The following LPL variants were observed in gnomAD, a reference collection of about 807,000 sequenced individuals.
LPL encodes the protein lipoprotein lipase.
Under a neutral mutation model 52.2 loss-of-function variants are expected in LPL, and 43 were observed. That is an observed-to-expected ratio of 0.82 (90% confidence interval 0.64 to 1.06). The LOEUF is 1.06. LPL is among the 50% of genes least tolerant of loss of function. LPL has a pLI of 0.00. For synonymous variants in LPL, 244 were observed against 215.6 expected, an observed-to-expected ratio of 1.13 and a Z score of -1.15; for missense variants, 639 against 585.3, an observed-to-expected ratio of 1.09 and a Z score of -0.95.
chr8:19,947,656 A>AAACCC (rs774092810), intron 1 of LPL, among the ~76,000 whole-genome samples: 1 of 69,586 alleles, frequency 1.4e-5, no homozygotes, highest in Non-Finnish European at 3.3e-5. Context: ...AAACAAAACA[A>AAACCC]CCCCCCCCCC....
chr8:19,960,995 G>C lies in LPL; in HGVS notation c.1234G>C (p.Asp412His), dbSNP rs541991367. The C allele has an allele frequency of 7.4e-6, 12 of 1,613,994 alleles. No homozygotes were observed. In the African/African-American group the frequency reaches 1.5e-4, roughly 20 times the overall value. ...CATGTTGAAGCTCAAATGGAAGAGT[G>C]ATTCATACTTTAGCTGGTCAGACTG... ...LLMLKLKWKS[D>H]SYFSWSDWWS... The change falls in exon 8 of 10, where the codon GAT becomes CAT. Residue 412 changes from aspartate (D) to histidine (H), a missense_variant. Physicochemically the swap from Asp to His is moderately conservative, Grantham distance 81 (BLOSUM62 -1). Coordinates refer to ENST00000650287, the MANE Select transcript of LPL (RefSeq NM_000237.3).
rs766899541 is a variant in LPL at position 19,961,030 on chromosome 8, TCCC to T, written c.1270_1272del (p.Pro424del). The T allele has an allele frequency of 1.6e-5, 26 of 1,614,076 alleles. No homozygotes were observed. Among genetic ancestry groups the T allele is most frequent in the Non-Finnish European group, 2.0e-5 (24 of 1,180,016 alleles). ...TTAGCTGGTCAGACTGGTGGAGCAG[TCCC>T]GGCTTCGCCATTCAGAAGATCAGAG... On this transcript the variant is annotated inframe_deletion, in exon 8 of 10. Coordinates refer to ENST00000650287, the MANE Select transcript of LPL (RefSeq NM_000237.3).
chr8:19,954,251 A>T lies in LPL; in HGVS notation c.673A>T (p.Lys225Ter). ...GSPGRSIGIQ[K>*]PVGHVDIYPN... The stretch of plus-strand genomic sequence containing the variant: ...CCCTGGTCGAAGCATTGGAATCCAG[A>T]AACCAGTTGGGCATGTTGACATTTA... The change falls in exon 5 of 10, where the codon AAA (lysine) becomes TAA (stop). Residue 225 changes from lysine to a stop codon, truncating the protein, a stop_gained. Coordinates refer to ENST00000650287, the MANE Select transcript of LPL (RefSeq NM_000237.3). LOFTEE classifies it high-confidence loss of function. The T allele has an allele frequency of 6.2e-7, 1 of 1,614,210 alleles. No individual in the cohort carries two copies. The highest frequency in any genetic ancestry group is 8.5e-7 in the Non-Finnish European group (1 of 1,180,036).
At chr8:19,948,437 A>G in intron 2 of LPL, 97 bp downstream of exon 2, 1 of 1,364,660 alleles carries the variant, frequency 7.3e-7, no homozygotes, top group South Asian at 1.3e-5. Context: ...TCCGCACCCC[A>G]CATCTCACGT....
rs760464874 is a variant in LPL, at chr8:19,945,010, C to T, written c.89-3170C>T. Among the ~76,000 whole-genome samples the T allele has an allele frequency of 2.6e-5, 4 of 152,208 alleles. No homozygotes were observed. In the South Asian group the frequency reaches 8.3e-4, roughly 32 times the overall value. ...CCTTCCTTCCTTCCTTCCCTCCATC[C>T]CTCCCTCCTGTACTCCTCTTCTTTC... is the stretch of plus-strand genomic sequence containing the variant. On this transcript the variant is annotated intron_variant, in intron 1 of 9. Coordinates refer to ENST00000650287, the MANE Select transcript of LPL (RefSeq NM_000237.3).
At chr8:19,960,461 A>C (rs1275480947) in intron 7 of LPL, among the ~76,000 whole-genome samples, 1 of 152,212 alleles carries the variant, frequency 6.6e-6, no homozygotes, top group Non-Finnish European at 1.5e-5. Context: ...CATTAAAATC[A>C]ATCTAGCCTT....
At chr8:19,957,427 C>T (rs1310499055) in intron 6 of LPL, among the ~76,000 whole-genome samples, 1 of 152,150 alleles carries the variant, frequency 6.6e-6, no homozygotes, top group Non-Finnish European at 1.5e-5. Context: ...GGTTGAGGCA[C>T]CTGTGCTTCA....
At chr8:19,940,352 T>C (rs1016350611) in intron 1 of LPL, among the ~76,000 whole-genome samples, 1 of 152,184 alleles carries the variant, frequency 6.6e-6, no homozygotes, top group Non-Finnish European at 1.5e-5. Context: ...CTTTCTGTCC[T>C]GGGGGCTGAG....
rs761203901 is a variant in LPL at position 19,965,531 on chromosome 8, C to T, written c.*221C>T. On this transcript the variant is annotated 3_prime_UTR_variant, in exon 10 of 10. Coordinates refer to ENST00000650287, the MANE Select transcript of LPL (RefSeq NM_000237.3). Reference sequence around the variant, plus strand: ...TATGGGGTATAGTGGCCAAATAGCACATCCTCCAACGTTAAAAGACAGTGG... The same window carrying T: ...TATGGGGTATAGTGGCCAAATAGCATATCCTCCAACGTTAAAAGACAGTGG... The T allele has an allele frequency of 9.9e-5, 54 of 544,352 alleles. No individual in the cohort carries two copies. The highest frequency in any genetic ancestry group is 1.7e-4 in the Non-Finnish European group (51 of 305,796). 33.7% of individuals were successfully genotyped at this position (544,352 alleles called of 1,614,324 possible).
intron 4 of LPL, 72 bp downstream of exon 4, chr8:19,953,493 A>ATCATAAGAGGTGAAAAGACTGTC: frequency 1.8e-6 from 2 of 1,101,028 alleles, no homozygotes; most frequent in Non-Finnish European, 2.8e-6. Context: ...AATCAGAACA[A>ATCATAAGAGGTGAAAAGACTGTC]ATTTTGTTAA....
intron 7 of LPL, among the ~76,000 whole-genome samples, chr8:19,960,100 A>G (rs2070024689): frequency 6.6e-6 from 1 of 151,404 alleles, no homozygotes; most frequent in South Asian, 2.1e-4. Context: ...ACCCTTTACT[A>G]CTAATCAAAG....
intron 2 of LPL, among the ~76,000 whole-genome samples, chr8:19,948,781 G>T (rs1347266243): frequency 6.6e-6 from 1 of 152,136 alleles, no homozygotes; most frequent in East Asian, 1.9e-4. Context: ...TGCTGGCTTT[G>T]CCATTCTCCA....
In LPL at chr8:19,962,203, A is replaced by C. The variant is rs143388616; in HGVS notation, c.1411A>C (p.Asn471His). The C allele has an allele frequency of 2.5e-6, 4 of 1,613,572 alleles. No homozygotes were observed. Among genetic ancestry groups the C allele is most frequent in the Non-Finnish European group, 3.4e-6 (4 of 1,179,698 alleles). ...VFVKCHDKSL[N>H]KKSG ...TGTGAAATGCCATGACAAGTCTCTG[A>C]ATAAGAAGTCAGGCTGGTGAGCATT... Residue 471 changes from asparagine to histidine, a missense_variant, in exon 9 of 10, where the codon AAT (asparagine) becomes CAT (histidine). Transcript: ENST00000650287.
chr8:19,940,467 C>A (rs2069826162), intron 1 of LPL, among the ~76,000 whole-genome samples: 1 of 152,200 alleles, frequency 6.6e-6, no homozygotes, highest in South Asian at 2.1e-4. Context: ...CGCCAGGGAA[C>A]CGCCCGCTCG....
chr8:19,945,932 GA>G (rs2069878684), intron 1 of LPL, among the ~76,000 whole-genome samples: 1 of 152,210 alleles, frequency 6.6e-6, no homozygotes, highest in Non-Finnish European at 1.5e-5. Context: ...ATTTAAGGTG[GA>G]AAGGTGTGGG....
In LPL at chr8:19,962,125, T is replaced by C; in HGVS notation, c.1333T>C (p.Cys445Arg). 3.1e-6 allele frequency: 5 copies of C among 1,612,416 alleles called. No individual in the cohort carries two copies. Among genetic ancestry groups the C allele is most frequent in the Non-Finnish European group, 4.2e-6 (5 of 1,178,440 alleles). The change falls in exon 9 of 10, where the codon TGT (cysteine) becomes CGT (arginine). Residue 445 changes from cysteine (C) to arginine (R), a missense_variant. By Grantham distance (180) the Cys-to-Arg change is radical (BLOSUM62 -3). Coordinates refer to ENST00000650287, the MANE Select transcript of LPL (RefSeq NM_000237.3). Reference protein sequence around the residue: ...AGETQKKVIFCSREKVSHLQK... With the variant: ...AGETQKKVIFRSREKVSHLQK... ...CATTTTCTTCCACAGGGTGATCTTC[T>C]GTTCTAGGGAGAAAGTGTCTCATTT...
rs748863604 is a variant in LPL at position 19,948,273 on chromosome 8, C to A, written c.182C>A (p.Ala61Glu). The A allele has an allele frequency of 6.2e-7, 1 of 1,614,138 alleles. No individual in the cohort carries two copies. The highest frequency in any genetic ancestry group is 1.1e-5 in the South Asian group (1 of 91,084). Reference sequence around the variant, plus strand: ...ACTTGCCACCTCATTCCCGGAGTAGCAGAGTCCGTGGCTACCTGTCATTTC... The same window carrying A: ...ACTTGCCACCTCATTCCCGGAGTAGAAGAGTCCGTGGCTACCTGTCATTTC... Reference protein sequence around the residue: ...EDTCHLIPGVAESVATCHFNH... With the variant: ...EDTCHLIPGVEESVATCHFNH... The change falls in exon 2 of 10, where the codon GCA becomes GAA. Residue 61 changes from alanine to glutamate, a missense_variant. Coordinates refer to ENST00000650287, the MANE Select transcript of LPL (RefSeq NM_000237.3).
At chr8:19,940,139 C>T (rs950845686) in intron 1 of LPL, among the ~76,000 whole-genome samples, 53 of 152,194 alleles carry the variant, frequency 3.5e-4, no homozygotes, top group Non-Finnish European at 2.2e-4. Context: ...GGAGAAAGTA[C>T]GCGTGGCGCG....
intron 4 of LPL, 83 bp from the exon 5 acceptor site, chr8:19,954,037 C>A: frequency 1.1e-6 from 1 of 917,160 alleles, no homozygotes; most frequent in Non-Finnish European, 1.8e-6. Flanking sequence ...GCTGCCAGTG[C>A]ATTCAAATGA....
Sources: gnomAD v4.1 joint callset for allele counts (sites outside exome capture counted in the v4.1 genomes callset) on GRCh38, gnomAD v4.1.1 for gene constraint, MANE v1.5 for transcripts, NCBI Gene and HGNC (gene_info 2026-07-23, HGNC 2026-07-21) for gene names.